The following SLC9A4 variants were observed in gnomAD, a reference collection of about 807,000 sequenced individuals.
SLC9A4 encodes sodium/hydrogen exchanger 4.
SLC9A4 carries 63 observed loss-of-function variants against 67.4 expected under a neutral mutation model. The observed-to-expected ratio is 0.93, with a 90% CI of 0.76 to 1.15. The LOEUF is 1.15. SLC9A4 is among the 50% of genes most tolerant of loss of function. The probability of loss-of-function intolerance (pLI) is 0.00; values close to 1 mark genes in which losing one functional copy is unlikely to be tolerated. For synonymous variants in SLC9A4, 393 were observed against 367.2 expected (o/e 1.07, Z -0.80); for missense variants, 1,089 against 987.7 (o/e 1.10, Z -1.38).
Position 102,532,444 on chromosome 2 carries a change from G to C in SLC9A4, c.2153G>C (p.Arg718Thr). The change falls in exon 12 of 12, where the codon AGA (arginine) becomes ACA (threonine). Residue 718 changes from arginine (R) to threonine (T), a missense_variant. By Grantham distance (71) the Arg-to-Thr change is moderately conservative. Coordinates refer to ENST00000295269, the MANE Select transcript of SLC9A4 (RefSeq NM_001011552.4). Reference protein sequence around the residue: ...QEIIPMKSLHRGRKAFSFGYQ... With the variant: ...QEIIPMKSLHTGRKAFSFGYQ... Reference sequence around the variant, plus strand: ...ATAATACCAATGAAGAGCCTACACAGAGGAAGGAAGGCATTCAGCTTTGGT... The same window carrying C: ...ATAATACCAATGAAGAGCCTACACACAGGAAGGAAGGCATTCAGCTTTGGT... 1.2e-6 allele frequency: 2 copies of C among 1,614,250 alleles called. No individual in the cohort carries two copies. Among genetic ancestry groups the C allele is most frequent in the Non-Finnish European group, 1.7e-6 (2 of 1,180,052 alleles).
chr2:102,493,195 G>GTTAATGGACTA (rs1684738839), intron 2 of SLC9A4, among the ~76,000 whole-genome samples: 6 of 152,040 alleles, frequency 3.9e-5, no homozygotes, highest in African/African-American at 1.4e-4. Flanking sequence ...GTCTTCTTCT[G>GTTAATGGACTA]AGCCCTTCAA....
At chr2:102,498,135 C>T (rs946264060) in intron 2 of SLC9A4, among the ~76,000 whole-genome samples, 1 of 152,184 alleles carries the variant, frequency 6.6e-6, no homozygotes, top group African/African-American at 2.4e-5. Context: ...CTTTTCCCTT[C>T]AGTGTATAAA....
At chr2:102,475,863 T>G (rs1684320174) in intron 1 of SLC9A4, among the ~76,000 whole-genome samples, 1 of 152,226 alleles carries the variant, frequency 6.6e-6, no homozygotes, top group African/African-American at 2.4e-5. Context: ...GATGATGATT[T>G]ATAATTTCAG....
rs542183576 is a variant in SLC9A4 at position 102,485,312 on chromosome 2, C to T, written c.720+6010C>T. On this transcript the variant is annotated intron_variant, in intron 2 of 11. Transcript: ENST00000295269. ...CAGAGACAGAGTGAAAAGTCATACT[C>T]ACTGCTTTGCCCAGCCAGCAATTCC... Among the ~76,000 whole-genome samples, 3 of 152,344 alleles carry T rather than the reference C, an allele frequency of 2.0e-5. No homozygotes were observed. The East Asian group carries it at 5.8e-4, about 29-fold the overall frequency.
intron 2 of SLC9A4, among the ~76,000 whole-genome samples, chr2:102,495,836 C>T (rs1027655518): frequency 6.6e-6 from 1 of 152,144 alleles, no homozygotes; most frequent in East Asian, 1.9e-4. Context: ...TCACCCCTAA[C>T]CTCAAGCCAT....
At chr2:102,504,498 G>A (rs1339533965) in intron 3 of SLC9A4, among the ~76,000 whole-genome samples, 1 of 152,134 alleles carries the variant, frequency 6.6e-6, no homozygotes, top group African/African-American at 2.4e-5. Context: ...AAATATTTTT[G>A]AAATGCTTAT....
chr2:102,511,092 G>A (rs1420765882), intron 6 of SLC9A4, among the ~76,000 whole-genome samples: 1 of 152,172 alleles, frequency 6.6e-6, no homozygotes, highest in East Asian at 1.9e-4. Context: ...TGAGGAGATA[G>A]TTGAACTTGA....
intron 2 of SLC9A4, among the ~76,000 whole-genome samples, chr2:102,481,564 T>C (rs1250555622): frequency 6.6e-6 from 1 of 152,214 alleles, no homozygotes; most frequent in African/African-American, 2.4e-5. Flanking sequence ...AATTTTTATA[T>C]GCAAATGTTG....
At chr2:102,497,582 AAGG>A (rs1684836504) in intron 2 of SLC9A4, among the ~76,000 whole-genome samples, 1 of 151,842 alleles carries the variant, frequency 6.6e-6, no homozygotes, top group Non-Finnish European at 1.5e-5. Context: ...AGCCCGAAAA[AAGG>A]AGTTCATAAT....
At chr2:102,505,733 A>G (rs1256124150) in intron 4 of SLC9A4, 1 of 402,150 alleles carries the variant, frequency 2.5e-6, no homozygotes, top group Non-Finnish European at 4.4e-6. Context: ...AAGAAGTTTC[A>G]CATCTACCTA....
In SLC9A4 at chr2:102,532,608, G is replaced by T. The variant is rs1263511823; in HGVS notation, c.2317G>T (p.Val773Phe). The stretch of plus-strand genomic sequence containing the variant: ...TGAGGGCAAGGCCTCTTTGGTTGAG[G>T]TTCGGTCGAGGTGGACAGCTGACCA... ...ESEGKASLVEVRSRWTADHGH... is the reference protein window; with the variant it reads ...ESEGKASLVEFRSRWTADHGH... Residue 773 changes from valine (V) to phenylalanine (F), a missense_variant, in exon 12 of 12, where the codon GTT (valine) becomes TTT (phenylalanine). Coordinates refer to ENST00000295269, the MANE Select transcript of SLC9A4 (RefSeq NM_001011552.4). 1 of 1,614,068 alleles carries T rather than the reference G, an allele frequency of 6.2e-7. No individual in the cohort carries two copies. Among genetic ancestry groups the T allele is most frequent in the Non-Finnish European group, 8.5e-7 (1 of 1,179,990 alleles).
At chr2:102,486,893 A>G (rs917106035) in intron 2 of SLC9A4, among the ~76,000 whole-genome samples, 1 of 152,192 alleles carries the variant, frequency 6.6e-6, no homozygotes, top group Admixed American at 6.5e-5. Flanking sequence ...AGGCATAGAA[A>G]TGGAGATTAC....
rs983300119 is a variant in SLC9A4, at chr2:102,533,959, T to C, written c.*1271T>C. On this transcript the variant is annotated 3_prime_UTR_variant, in exon 12 of 12. Coordinates refer to ENST00000295269, the MANE Select transcript of SLC9A4 (RefSeq NM_001011552.4). ...AATAATGCCGCAATAAACATACGTG[T>C]GCATGTGTCTTTATAGCAGCATGAT... is the stretch of plus-strand genomic sequence containing the variant. 3.2e-4 allele frequency: 49 copies of C among 151,926 alleles called. No homozygotes were observed. Among genetic ancestry groups the C allele is most frequent in the African/African-American group, 9.4e-4 (39 of 41,424 alleles). 9.4% of individuals were successfully genotyped at this position (151,926 alleles called of 1,614,324 possible).
At chr2:102,479,350 G>T (rs1271279130) in intron 2 of SLC9A4, 48 bp downstream of exon 2, 1 of 1,534,700 alleles carries the variant, frequency 6.5e-7, no homozygotes, top group South Asian at 1.2e-5. Context: ...TGAGGGTTCG[G>T]GGTGGGGCTG....
rs1474422908 is a variant in SLC9A4 at position 102,508,886 on chromosome 2, A to G, written c.1441A>G (p.Lys481Glu). ...VGPLVRYLDV[K>E]KTNKKESINE... ...CCCTCTGGTCAGGTACCTGGATGTT[A>G]AAAAAACCAATAAAAAAGAATCCAT... The change falls in exon 6 of 12, where the codon AAA becomes GAA. Residue 481 changes from lysine (K) to glutamate (E), a missense_variant. Transcript: ENST00000295269. The G allele has an allele frequency of 6.2e-7, 1 of 1,611,966 alleles. No individual in the cohort carries two copies. Among genetic ancestry groups the G allele is most frequent in the Non-Finnish European group, 8.5e-7 (1 of 1,179,066 alleles).
At chr2:102,511,504 A>T (rs12712155) in intron 6 of SLC9A4, among the ~76,000 whole-genome samples, 123,302 of 151,862 alleles carry the variant, frequency 0.81, 50,826 homozygotes, top group African/African-American at 0.95. Context: ...AATATTTCAA[A>T]CTATTTTTCA....
Position 102,519,907 on chromosome 2 carries a change from G to C in SLC9A4, c.1770G>C (p.Glu590Asp), listed in dbSNP as rs150179295. Reference protein sequence around the residue: ...GIKRLSPEDVESIRDILTSNM... With the variant: ...GIKRLSPEDVDSIRDILTSNM... ...AAAGACTTTCCCCTGAAGATGTGGA[G>C]TCCATAAGGGACATTCTGACATCCA... The change falls in exon 9 of 12, where the codon GAG becomes GAC. Residue 590 changes from glutamate (E) to aspartate (D), a missense_variant. Glu to Asp is a conservative substitution (Grantham distance 45). Coordinates refer to ENST00000295269, the MANE Select transcript of SLC9A4 (RefSeq NM_001011552.4). 1 of 1,613,822 alleles carries C rather than the reference G, an allele frequency of 6.2e-7. No homozygotes were observed. The highest frequency in any genetic ancestry group is 1.7e-5 in the Admixed American group (1 of 60,012).
At chr2:102,502,429 A>G (rs1233122961) in intron 2 of SLC9A4, among the ~76,000 whole-genome samples, 2 of 152,210 alleles carry the variant, frequency 1.3e-5, no homozygotes, top group African/African-American at 4.8e-5. Context: ...CAGGTAAGAT[A>G]CACCACATGA....
intron 8 of SLC9A4, among the ~76,000 whole-genome samples, chr2:102,517,679 T>C (rs1685302057): frequency 6.6e-6 from 1 of 152,208 alleles, no homozygotes; most frequent in South Asian, 2.1e-4. Context: ...ATTATATGAA[T>C]GTATCAAATT....
Sources: gnomAD v4.1 joint callset for allele counts (sites outside exome capture counted in the v4.1 genomes callset) on GRCh38, gnomAD v4.1.1 for gene constraint, MANE v1.5 for transcripts, NCBI Gene and HGNC (gene_info 2026-07-23, HGNC 2026-07-21) for gene names.